ST18: variants seen among roughly 807,000 people sequenced by gnomAD.
ST18 encodes the protein suppression of tumorigenicity 18 protein.
In ST18, 50 loss-of-function variants were observed where a neutral mutation model predicts 110.0. The observed-to-expected ratio is 0.45, with a 90% CI of 0.36 to 0.58. The LOEUF is 0.58. ST18 is among the 20% of genes least tolerant of loss of function. The pLI, the probability that ST18 is intolerant of heterozygous loss-of-function variation, is 0.00. For synonymous variants in ST18, 461 were observed against 452.4 expected (o/e 1.02, Z -0.24); for missense variants, 1,306 against 1,280.1 (o/e 1.02, Z -0.31).
chr8:52,368,359 T>C (rs182201240), intron 2 of ST18, among the ~76,000 whole-genome samples: 8 of 152,232 alleles, frequency 5.3e-5, no homozygotes, highest in African/African-American at 9.6e-5. Context: ...ACAACAAAAT[T>C]TGGAGAAATG....
chr8:52,252,163 A>T (rs2094343043), intron 2 of ST18, among the ~76,000 whole-genome samples: 1 of 152,088 alleles, frequency 6.6e-6, no homozygotes, highest in Non-Finnish European at 1.5e-5. Context: ...AACTGGAAAC[A>T]TTCATTAACA....
chr8:52,274,684 T>C (rs1481976703), intron 2 of ST18, among the ~76,000 whole-genome samples: 1 of 152,192 alleles, frequency 6.6e-6, no homozygotes, highest in Non-Finnish European at 1.5e-5. Flanking sequence ...TGCATTCTAG[T>C]TGCACATAGT....
intron 2 of ST18, among the ~76,000 whole-genome samples, chr8:52,370,412 CTGTG>C (rs72081816): frequency 0.16 from 24,332 of 149,692 alleles, 3,082 homozygotes; most frequent in African/African-American, 0.36. Flanking sequence ...ATGCGTGTGA[CTGTG>C]TGTGTGTGTG....
chr8:52,379,805 G>A (rs550482681), intron 2 of ST18, among the ~76,000 whole-genome samples: 2 of 152,236 alleles, frequency 1.3e-5, no homozygotes, highest in Admixed American at 1.3e-4. Flanking sequence ...ATAGAAAAAT[G>A]AAGTATTAAA....
At chr8:52,305,545 T>A (rs886907594) in intron 2 of ST18, among the ~76,000 whole-genome samples, 4 of 152,246 alleles carry the variant, frequency 2.6e-5, no homozygotes, top group African/African-American at 9.6e-5. Context: ...TTCTCTAGGA[T>A]GTGAAATAAA....
At chr8:52,389,688 G>A (rs1838560394) in intron 2 of ST18, among the ~76,000 whole-genome samples, 1 of 152,310 alleles carries the variant, frequency 6.6e-6, no homozygotes, top group East Asian at 1.9e-4. Flanking sequence ...CAGTGCACAT[G>A]CGGAGTAAGG....
At chr8:52,140,572 G>GAT (rs1249701679) in intron 17 of ST18, among the ~76,000 whole-genome samples, 1 of 151,856 alleles carries the variant, frequency 6.6e-6, no homozygotes, top group Non-Finnish European at 1.5e-5. Flanking sequence ...TAGATAGATA[G>GAT]ATAGATAGAT....
Position 52,298,793 on chromosome 8 carries a change from TA to T in ST18, c.-464-68717del, listed in dbSNP as rs551323510. Among the ~76,000 whole-genome samples, 245 of 152,340 alleles carry T rather than the reference TA, an allele frequency of 1.6e-3. 2 individuals are homozygous for T. The highest frequency in any genetic ancestry group is 5.6e-3 in the African/African-American group (233 of 41,582). On this transcript the variant is annotated intron_variant, in intron 2 of 25. Transcript: ENST00000689386. Reference sequence around the variant, plus strand: ...TGAAATAGAGAACTAATAATTGTCTTATTTCCTCTTCAATCTTGAAATACTG... The same window carrying T: ...TGAAATAGAGAACTAATAATTGTCTTTTTCCTCTTCAATCTTGAAATACTG...
intron 2 of ST18, among the ~76,000 whole-genome samples, chr8:52,233,392 T>C (rs1268714865): frequency 1.3e-5 from 2 of 152,118 alleles, no homozygotes; most frequent in Non-Finnish European, 1.5e-5. Flanking sequence ...AACAATCTGA[T>C]GAGCTTGACA....
At chr8:52,375,560 C>T (rs11774473) in intron 2 of ST18, among the ~76,000 whole-genome samples, 114,735 of 152,114 alleles carry the variant, frequency 0.75, 48,195 homozygotes, top group Non-Finnish European at 0.93. Context: ...TTCTCAATTC[C>T]CTTCACTGGT....
chr8:52,332,874 T>C (rs941322087), intron 2 of ST18, among the ~76,000 whole-genome samples: 3 of 151,892 alleles, frequency 2.0e-5, no homozygotes, highest in Non-Finnish European at 4.4e-5. Flanking sequence ...AAAATATATA[T>C]ATATATGACC....
intron 9 of ST18, among the ~76,000 whole-genome samples, chr8:52,173,730 G>A (rs2065856713): frequency 6.6e-6 from 1 of 152,118 alleles, no homozygotes; most frequent in Non-Finnish European, 1.5e-5. Flanking sequence ...AAGCAGGGTG[G>A]GGGGATGGGA....
intron 8 of ST18, among the ~76,000 whole-genome samples, chr8:52,195,342 G>A (rs1284898805): frequency 1.3e-5 from 2 of 152,032 alleles, no homozygotes; most frequent in Non-Finnish European, 2.9e-5. Flanking sequence ...AGCCCACACT[G>A]TTATTTTAAT....
intron 2 of ST18, chr8:52,407,865 T>C: frequency 6.6e-6 from 1 of 152,290 alleles, no homozygotes; most frequent in Non-Finnish European, 1.5e-5. Flanking sequence ...GTTTCCATCC[T>C]CCTCCATTTC....
In ST18 at chr8:52,395,592, C is replaced by A. The variant is rs186811838; in HGVS notation, c.-465+13736G>T. Among the ~76,000 whole-genome samples the A allele has an allele frequency of 3.5e-3, 528 of 152,250 alleles. 4 individuals carry two copies. Among genetic ancestry groups the A allele is most frequent in the African/African-American group, 0.012 (512 of 41,558 alleles). ...GGTTAGAGAGAGGCCAAATTACAGA[C>A]ACTGACTTTCTCGTGGTCCATGAGA... On this transcript the variant is annotated intron_variant, in intron 2 of 25. Transcript: ENST00000689386.
chr8:52,266,772 G>A (rs2094885656), intron 2 of ST18, among the ~76,000 whole-genome samples: 1 of 152,022 alleles, frequency 6.6e-6, no homozygotes. Context: ...TCAAGCTCCT[G>A]ACCTCAGCCT....
intron 2 of ST18, among the ~76,000 whole-genome samples, chr8:52,276,354 C>T (rs2095264836): frequency 6.7e-6 from 1 of 149,722 alleles, no homozygotes; most frequent in Admixed American, 6.6e-5. Flanking sequence ...CATACATGCA[C>T]ACCACACACA....
chr8:52,319,835 G>T (rs1803094416), intron 2 of ST18, among the ~76,000 whole-genome samples: 1 of 152,144 alleles, frequency 6.6e-6, no homozygotes, highest in Non-Finnish European at 1.5e-5. Context: ...GTGCCTGCAT[G>T]TGCCTTCTCC....
chr8:52,291,831 G>A (rs1054093035), intron 2 of ST18, among the ~76,000 whole-genome samples: 3 of 152,008 alleles, frequency 2.0e-5, no homozygotes, highest in East Asian at 1.9e-4. Flanking sequence ...CAGGAGTGCC[G>A]TGGCAAGAAC....
Sources: gnomAD v4.1 joint callset for allele counts (sites outside exome capture counted in the v4.1 genomes callset) on GRCh38, gnomAD v4.1.1 for gene constraint, MANE v1.5 for transcripts, NCBI Gene and HGNC (gene_info 2026-07-23, HGNC 2026-07-21) for gene names.